The following NRXN3 variants were observed in gnomAD, a reference collection of about 807,000 sequenced individuals.
NRXN3 encodes the protein neurexin III.
A neutral mutation model predicts 137.6 loss-of-function variants in NRXN3; 32 were observed. That is an observed-to-expected ratio of 0.23 (90% confidence interval 0.18 to 0.31). The LOEUF (loss-of-function observed/expected upper bound fraction) is 0.31, where lower values mean the gene tolerates loss of function less well. NRXN3 is among the 10% of genes least tolerant of loss of function. NRXN3 has a pLI of 1.00. For missense variants in NRXN3, 1,574 were observed against 2,062.5 expected (o/e 0.76, Z 4.59); for synonymous variants, 798 against 784.5 (o/e 1.02, Z -0.29).
intron 4 of NRXN3, among the ~76,000 whole-genome samples, chr14:78,442,230 G>A (rs1435822943): frequency 4.0e-5 from 6 of 150,446 alleles, no homozygotes; most frequent in Non-Finnish European, 5.9e-5. Flanking sequence ...TCATGCCACC[G>A]TACTCCAGCC....
intron 15 of NRXN3, among the ~76,000 whole-genome samples, chr14:79,180,418 A>G (rs150526506): frequency 6.6e-6 from 1 of 152,218 alleles, no homozygotes; most frequent in African/African-American, 2.4e-5. Flanking sequence ...AGTAGGAAAT[A>G]TCTGAGCATT....
intron 8 of NRXN3, among the ~76,000 whole-genome samples, chr14:78,733,003 C>T (rs898227108): frequency 9.2e-5 from 14 of 152,148 alleles, no homozygotes; most frequent in African/African-American, 3.1e-4. Context: ...AGAATATGCA[C>T]TGCATAGGGT....
intron 2 of NRXN3, among the ~76,000 whole-genome samples, chr14:78,274,501 G>A (rs2073287210): frequency 6.6e-6 from 1 of 152,214 alleles, no homozygotes; most frequent in African/African-American, 2.4e-5. Context: ...CCCATGACTT[G>A]TGGGGATTAC....
intron 4 of NRXN3, among the ~76,000 whole-genome samples, chr14:78,612,153 G>C (rs1158742110): frequency 6.6e-6 from 1 of 152,164 alleles, no homozygotes; most frequent in Non-Finnish European, 1.5e-5. Flanking sequence ...TCTCTAAGTT[G>C]TTGCTGTAGT....
intron 4 of NRXN3, among the ~76,000 whole-genome samples, chr14:78,406,493 C>G (rs534877887): frequency 1.3e-5 from 2 of 152,206 alleles, no homozygotes; most frequent in East Asian, 3.9e-4. Context: ...ATAGGTAAGA[C>G]TAATAGAGAA....
intron 15 of NRXN3, among the ~76,000 whole-genome samples, chr14:79,174,629 G>T: frequency 6.8e-6 from 1 of 146,870 alleles, no homozygotes. Flanking sequence ...ATTTTGCGGT[G>T]GTTTAAAAAA....
intron 8 of NRXN3, among the ~76,000 whole-genome samples, chr14:78,790,960 C>T (rs2098803459): frequency 6.6e-6 from 1 of 152,162 alleles, no homozygotes; most frequent in Admixed American, 6.5e-5. Flanking sequence ...GAATTGCATA[C>T]TCTAGTACTT....
intron 15 of NRXN3, among the ~76,000 whole-genome samples, chr14:79,382,068 C>A (rs1384708302): frequency 6.6e-6 from 1 of 152,188 alleles, no homozygotes; most frequent in Non-Finnish European, 1.5e-5. Flanking sequence ...TGTGCCTTCT[C>A]TGTGCCTCAG....
chr14:78,901,987 AG>A (rs1031241312), intron 10 of NRXN3, among the ~76,000 whole-genome samples: 2 of 152,034 alleles, frequency 1.3e-5, no homozygotes, highest in African/African-American at 4.8e-5. Context: ...CGGGTATGCA[AG>A]GGGGCTGGAA....
chr14:78,691,130 A>C (rs1179168668), intron 6 of NRXN3, among the ~76,000 whole-genome samples: 2 of 152,216 alleles, frequency 1.3e-5, no homozygotes, highest in Non-Finnish European at 2.9e-5. Context: ...AAGGAGTGAG[A>C]GAAATGCCAG....
At chr14:79,165,909 C>T (rs1055128775) in intron 15 of NRXN3, among the ~76,000 whole-genome samples, 1 of 151,960 alleles carries the variant, frequency 6.6e-6, no homozygotes, top group South Asian at 2.1e-4. Flanking sequence ...TCTCACAACA[C>T]CACGAGCTTT....
At chr14:79,471,388 A>G (rs1332833034) in intron 16 of NRXN3, among the ~76,000 whole-genome samples, 3 of 152,160 alleles carry the variant, frequency 2.0e-5, no homozygotes, top group Admixed American at 2.0e-4. Context: ...GGTTTTGTGA[A>G]CGTGCACTAC....
intron 15 of NRXN3, among the ~76,000 whole-genome samples, chr14:79,089,156 G>A (rs2048690314): frequency 6.6e-6 from 1 of 152,142 alleles, no homozygotes; most frequent in African/African-American, 2.4e-5. Flanking sequence ...TAGAGCTGCT[G>A]CTGTTCACAA....
chr14:79,122,580 C>A (rs2055642345), intron 15 of NRXN3, among the ~76,000 whole-genome samples: 1 of 152,192 alleles, frequency 6.6e-6, no homozygotes, highest in African/African-American at 2.4e-5. Context: ...ATAAATACCT[C>A]TGTTAAGATA....
At chr14:78,796,283 C>T (rs1211929067) in intron 8 of NRXN3, among the ~76,000 whole-genome samples, 1 of 152,204 alleles carries the variant, frequency 6.6e-6, no homozygotes, top group Non-Finnish European at 1.5e-5. Context: ...ACCATCTTTC[C>T]CAAATTCCCA....
intron 8 of NRXN3, among the ~76,000 whole-genome samples, chr14:78,802,910 C>A (rs1174322256): frequency 6.6e-6 from 1 of 152,106 alleles, no homozygotes; most frequent in Non-Finnish European, 1.5e-5. Context: ...CACACTGCTG[C>A]ACTCCAGCCT....
intron 4 of NRXN3, among the ~76,000 whole-genome samples, chr14:78,555,365 T>C (rs1039075121): frequency 1.3e-5 from 2 of 152,174 alleles, no homozygotes; most frequent in Non-Finnish European, 2.9e-5. Flanking sequence ...TTTCCCAAGG[T>C]TTACAACTAC....
At position 78,471,334 on chromosome 14, in the gene NRXN3, C is replaced by CACA. The variant is rs1567685088; in HGVS notation, c.757+173474_757+173475insACA. ...CACACACACACACACACACACACAC[C>CACA]CCCAAGAAATTCACCTCTGGCTCTG... On this transcript the variant is annotated intron_variant, in intron 4 of 20. Transcript: ENST00000335750. 0.01 allele frequency among the ~76,000 whole-genome samples: 107 copies of CACA among 10,358 alleles called. No homozygotes were observed. The Middle Eastern group carries it at 0.19, about 19-fold the overall frequency. The allele number at this position is 10,358 out of a possible 152,430, so 6.8% of individuals were successfully genotyped here.
At chr14:79,126,883 G>A (rs2056598469) in intron 15 of NRXN3, among the ~76,000 whole-genome samples, 1 of 152,110 alleles carries the variant, frequency 6.6e-6, no homozygotes, top group Non-Finnish European at 1.5e-5. Context: ...GGTGTGAGAT[G>A]GTATCTCATT....
Sources: allele counts gnomAD v4.1 joint callset (sites outside exome capture counted in the v4.1 genomes callset), GRCh38; gene constraint gnomAD v4.1.1; transcripts MANE v1.5; gene names NCBI Gene and HGNC (gene_info 2026-07-23, HGNC 2026-07-21).